R3HDM1: variants seen among roughly 807,000 people sequenced by gnomAD.
R3HDM1 encodes R3H domain-containing protein 1.
Under a neutral mutation model 141.1 loss-of-function variants are expected in R3HDM1, and 46 were observed. The observed-to-expected ratio is 0.33, with a 90% CI of 0.26 to 0.42. The LOEUF (loss-of-function observed/expected upper bound fraction) is 0.42. Among genes scored for constraint, R3HDM1 ranks in the 10% least tolerant of loss-of-function variants. The pLI, the probability that R3HDM1 is intolerant of heterozygous loss-of-function variation, is 1.00. For missense variants in R3HDM1, 1,184 were observed against 1,368.3 expected (o/e 0.87, Z 2.12); for synonymous variants, 435 against 472.9 (o/e 0.92, Z 1.04).
intron 18 of R3HDM1, among the ~76,000 whole-genome samples, chr2:135,655,876 T>A (rs2065815379): frequency 6.6e-6 from 1 of 152,076 alleles, no homozygotes; most frequent in Non-Finnish European, 1.5e-5. Flanking sequence ...TTTCTGTTTC[T>A]GCAAAAAAAG....
intron 3 of R3HDM1, 45 bp downstream of exon 3, chr2:135,605,061 A>G (rs769060904): frequency 1.4e-6 from 2 of 1,393,192 alleles, no homozygotes; most frequent in South Asian, 2.6e-5. Context: ...AATATTCAGT[A>G]TATATTTATG....
At position 135,645,547 on chromosome 2, in the gene R3HDM1, C is replaced by T. The variant is rs1334555696; in HGVS notation, c.1623+20C>T. 13 of 1,610,884 alleles carry T rather than the reference C, an allele frequency of 8.1e-6. No homozygotes were observed. The highest frequency in any genetic ancestry group is 4.0e-5 in the African/African-American group (3 of 74,786). ...TCACAGGTGCACATATCCATGATTA[C>T]ATAATGCTAAGTTGACTTGCCTTTA... On this transcript the variant is annotated intron_variant, in intron 16 of 26. Transcript: ENST00000683871.
At chr2:135,596,884 TA>T in intron 1 of R3HDM1, 1 of 347,810 alleles carries the variant, frequency 2.9e-6, no homozygotes. Context: ...TCCCTTTGTA[TA>T]AGGCGTTTCC....
chr2:135,674,435 C>A (rs546930759), intron 19 of R3HDM1, among the ~76,000 whole-genome samples: 1 of 152,164 alleles, frequency 6.6e-6, no homozygotes, highest in Admixed American at 6.5e-5. Flanking sequence ...TTATTTTTAT[C>A]TAGTTCTTTA....
chr2:135,592,618 A>G (rs933715001), intron 1 of R3HDM1, among the ~76,000 whole-genome samples: 3 of 151,928 alleles, frequency 2.0e-5, no homozygotes, highest in Admixed American at 6.6e-5. Flanking sequence ...CTCCTCTCAC[A>G]TCCTTATTAT....
In R3HDM1 at chr2:135,654,395, T is replaced by A. The variant is rs191478506; in HGVS notation, c.2028+2363T>A. ...TTCACACTATTCATTCTTTCCCTTTTTATCCATTAATTGAAATTTGGAATG... is the reference window on the plus strand; with the variant it reads ...TTCACACTATTCATTCTTTCCCTTTATATCCATTAATTGAAATTTGGAATG... On this transcript the variant is annotated intron_variant, in intron 18 of 26. Coordinates refer to ENST00000683871, the MANE Select transcript of R3HDM1 (RefSeq NM_001378107.1). Among the ~76,000 whole-genome samples, 242 of 152,260 alleles carry A rather than the reference T, an allele frequency of 1.6e-3. 1 individual carries two copies. The highest frequency in any genetic ancestry group is 2.4e-3 in the Non-Finnish European group (160 of 68,012).
At chr2:135,636,821 A>G (rs1421339326) in intron 11 of R3HDM1, among the ~76,000 whole-genome samples, 1 of 152,102 alleles carries the variant, frequency 6.6e-6, no homozygotes. Context: ...ATTAAATAAC[A>G]CTAAAATCCA....
At chr2:135,650,763 C>T (rs899072409) in intron 17 of R3HDM1, 1 of 982,792 alleles carries the variant, frequency 1.0e-6, no homozygotes, top group African/African-American at 1.8e-5. Context: ...CCTTTCAGTC[C>T]TTTATCTTCT....
intron 24 of R3HDM1, among the ~76,000 whole-genome samples, chr2:135,719,016 C>T (rs2076429810): frequency 1.3e-5 from 2 of 151,876 alleles, no homozygotes; most frequent in Admixed American, 6.6e-5. Context: ...GGCATGGTGG[C>T]GCACGCCTGT....
At chr2:135,632,345 A>C (rs1162902538) in intron 9 of R3HDM1, among the ~76,000 whole-genome samples, 2 of 148,652 alleles carry the variant, frequency 1.3e-5, no homozygotes, top group Non-Finnish European at 3.0e-5. Context: ...AAAAAAAAAA[A>C]CACAAGAGAG....
At position 135,543,529 on chromosome 2, in the gene R3HDM1, T is replaced by G. The variant is rs138004610; in HGVS notation, c.-250+11896T>G. The stretch of plus-strand genomic sequence containing the variant: ...CAAAGAAGCCAGCTTGGATTTTAAT[T>G]GGGATTGTGTCAAATATGTAAGTCA... On this transcript the variant is annotated intron_variant, in intron 1 of 26. Transcript: ENST00000683871. Among the ~76,000 whole-genome samples, 728 of 152,220 alleles carry G rather than the reference T, an allele frequency of 4.8e-3. 8 individuals are homozygous for G. Among genetic ancestry groups the G allele is most frequent in the African/African-American group, 0.017 (686 of 41,558 alleles).
intron 3 of R3HDM1, among the ~76,000 whole-genome samples, chr2:135,609,339 TTTC>T (rs1195827496): frequency 2.0e-5 from 3 of 152,230 alleles, no homozygotes; most frequent in African/African-American, 7.2e-5. Context: ...TTCATAAAAA[TTTC>T]TTAATACTTC....
At chr2:135,577,701 G>C (rs1174760897) in intron 1 of R3HDM1, among the ~76,000 whole-genome samples, 1 of 151,912 alleles carries the variant, frequency 6.6e-6, no homozygotes, top group Non-Finnish European at 1.5e-5. Context: ...AGCCAGGCGT[G>C]GTGGTGGGCG....
At chr2:135,577,838 CAAAAAAA>C (rs541600763) in intron 1 of R3HDM1, among the ~76,000 whole-genome samples, 17 of 62,890 alleles carry the variant, frequency 2.7e-4, no homozygotes, top group African/African-American at 7.0e-4. Context: ...AACTTCATCT[CAAAAAAA>C]AAAAAAAAAA....
intron 21 of R3HDM1, among the ~76,000 whole-genome samples, chr2:135,683,124 G>C (rs998960139): frequency 6.6e-6 from 1 of 152,226 alleles, no homozygotes; most frequent in East Asian, 1.9e-4. Context: ...AACTAGCATT[G>C]ATCTGTTCCA....
At chr2:135,538,136 G>A (rs532606081) in intron 1 of R3HDM1, among the ~76,000 whole-genome samples, 2 of 152,246 alleles carry the variant, frequency 1.3e-5, no homozygotes, top group East Asian at 1.9e-4. Flanking sequence ...TGATATGTAT[G>A]GCCTGTTGCT....
intron 6 of R3HDM1, chr2:135,621,896 T>C (rs2061544572): frequency 1.0e-6 from 1 of 974,786 alleles, no homozygotes; most frequent in African/African-American, 1.8e-5. Flanking sequence ...AATTTTTATA[T>C]TGATTCATCT....
In R3HDM1 at chr2:135,543,072, G is replaced by A. The variant is rs115386637; in HGVS notation, c.-250+11439G>A. The A allele has an allele frequency of 1.6e-3, 1,543 of 982,702 alleles. 22 individuals carry two copies. The African/African-American group carries it at 0.025, about 16-fold the overall frequency. 60.9% of individuals were successfully genotyped at this position (982,702 alleles called of 1,614,324 possible). A position where few individuals can be genotyped will look rare whatever the true frequency, so the allele number is the denominator to read the frequency against. On this transcript the variant is annotated intron_variant, in intron 1 of 26. Coordinates refer to ENST00000683871, the MANE Select transcript of R3HDM1 (RefSeq NM_001378107.1). ...TAAAGCAATGGGAATGGAATGTGAG[G>A]AGATCAAAAGTAAAAGACCACCAAC...
intron 1 of R3HDM1, chr2:135,566,599 A>G (rs916483464): frequency 6.3e-5 from 12 of 191,816 alleles, no homozygotes; most frequent in Middle Eastern, 2.5e-3. Context: ...GTGAAAGTTG[A>G]GTAGTGCTTC....
Sources: gnomAD v4.1 joint callset for allele counts (sites outside exome capture counted in the v4.1 genomes callset) on GRCh38, gnomAD v4.1.1 for gene constraint, MANE v1.5 for transcripts, NCBI Gene and HGNC (gene_info 2026-07-23, HGNC 2026-07-21) for gene names.